The following RASEF variants were observed in gnomAD, a reference collection of about 807,000 sequenced individuals.
RASEF encodes the protein ras and EF-hand domain-containing protein.
RASEF carries 68 observed loss-of-function variants against 90.1 expected under a neutral mutation model. That is an observed-to-expected ratio of 0.75 (90% CI 0.62 to 0.92). The LOEUF (loss-of-function observed/expected upper bound fraction) is 0.92, where lower values mean the gene tolerates loss of function less well. Ranked by LOEUF, RASEF falls within the 40% of genes least tolerant of loss-of-function variation. The pLI is 0.00. For synonymous variants in RASEF, 331 were observed against 345.2 expected (o/e 0.96, Z 0.46); for missense variants, 949 against 937.2 (o/e 1.01, Z -0.16).
At chr9:83,174,032 T>C in the RASEF span, among the ~76,000 whole-genome samples, 1 of 151,914 alleles carries the variant, frequency 6.6e-6, no homozygotes, top group Non-Finnish European at 1.5e-5. Context: ...TGGTATGGGT[T>C]CTTTTTATAT....
chr9:83,020,606 C>T (rs1829424314), intron 3 of RASEF, among the ~76,000 whole-genome samples: 1 of 152,130 alleles, frequency 6.6e-6, no homozygotes, highest in Non-Finnish European at 1.5e-5. Flanking sequence ...TGTGTCATTG[C>T]TGTGGAATAG....
chr9:83,067,453 A>G (rs913907989), upstream of RASEF, among the ~76,000 whole-genome samples: 1 of 152,236 alleles, frequency 6.6e-6, no homozygotes, highest in African/African-American at 2.4e-5. Context: ...ACACTTATAT[A>G]CTGCTATCCA....
the RASEF span, among the ~76,000 whole-genome samples, chr9:83,073,764 GAAAGT>G: frequency 6.6e-6 from 1 of 152,148 alleles, no homozygotes; most frequent in African/African-American, 2.4e-5. Flanking sequence ...GTGGCTAAAG[GAAAGT>G]AGATTACAAT....
chr9:83,017,424 C>T (rs569155651), intron 3 of RASEF, among the ~76,000 whole-genome samples: 14 of 151,726 alleles, frequency 9.2e-5, no homozygotes, highest in Non-Finnish European at 1.5e-4. Flanking sequence ...GGCGTGAACC[C>T]GGGAGGTGGA....
chr9:83,110,162 C>T, the RASEF span, among the ~76,000 whole-genome samples: 3 of 152,270 alleles, frequency 2.0e-5, no homozygotes, highest in African/African-American at 4.8e-5. Context: ...CTATGCAAAG[C>T]GGCCCTTTCA....
At chr9:83,001,878 G>A (rs530578628) in intron 9 of RASEF, among the ~76,000 whole-genome samples, 99 of 152,280 alleles carry the variant, frequency 6.5e-4, no homozygotes, top group Non-Finnish European at 1.1e-3. Context: ...ACACCGTCTG[G>A]AAACACCCCT....
chr9:83,030,239 C>A (rs1829620658), intron 1 of RASEF, among the ~76,000 whole-genome samples: 1 of 151,972 alleles, frequency 6.6e-6, no homozygotes, highest in East Asian at 1.9e-4. Context: ...CGCCTGTAGT[C>A]CCAGCTACTC....
chr9:83,195,248 A>T, the RASEF span, among the ~76,000 whole-genome samples: 2 of 152,314 alleles, frequency 1.3e-5, no homozygotes, highest in Non-Finnish European at 2.9e-5. Context: ...CATGGGAGGT[A>T]GTGTGAATTA....
intron 9 of RASEF, among the ~76,000 whole-genome samples, chr9:83,002,495 ATTG>A (rs1386105100): frequency 3.3e-5 from 5 of 150,858 alleles, no homozygotes; most frequent in East Asian, 3.9e-4. Context: ...AATAAAATAT[ATTG>A]TTAATATATT....
At chr9:83,098,701 G>A in the RASEF span, among the ~76,000 whole-genome samples, 1 of 152,200 alleles carries the variant, frequency 6.6e-6, no homozygotes, top group South Asian at 2.1e-4. Flanking sequence ...GGAAGGCAAG[G>A]AGGAGCAAAG....
In RASEF at chr9:83,046,026, A is replaced by G. The variant is rs1376359593; in HGVS notation, c.431+16411T>C. 5.1e-5 allele frequency among the ~76,000 whole-genome samples: 7 copies of G among 137,062 alleles called. No homozygotes were observed. The South Asian group carries it at 7.0e-4, about 14-fold the overall frequency. The allele number at this position is 137,062 out of a possible 152,430, so 89.9% of individuals were successfully genotyped here. On this transcript the variant is annotated intron_variant, in intron 1 of 16. Transcript: ENST00000376447. ...TCCATTAAGCTTCCTTCACCTTCGG[A>G]AAAAAAAAAAAAACCCTGCAAAATC...
At chr9:83,104,866 C>T in the RASEF span, among the ~76,000 whole-genome samples, 2,620 of 152,214 alleles carry the variant, frequency 0.017, 73 homozygotes, top group African/African-American at 0.06. Flanking sequence ...GTGTGAAATA[C>T]GGGTCACATT....
intron 7 of RASEF, among the ~76,000 whole-genome samples, chr9:83,006,646 T>C (rs953092025): frequency 4.6e-5 from 7 of 152,088 alleles, no homozygotes; most frequent in Admixed American, 4.6e-4. Flanking sequence ...GGAACTGCTA[T>C]AACCTAGTCA....
the RASEF span, among the ~76,000 whole-genome samples, chr9:83,102,053 GA>G: frequency 4.5e-4 from 67 of 148,008 alleles, no homozygotes; most frequent in Middle Eastern, 3.4e-3. Flanking sequence ...CACAAAATGT[GA>G]AAAAAAAAAG....
the RASEF span, among the ~76,000 whole-genome samples, chr9:83,209,654 T>A: frequency 4.6e-5 from 7 of 152,388 alleles, no homozygotes; most frequent in East Asian, 1.3e-3. Flanking sequence ...CATATTCATA[T>A]GCAAATGACT....
the RASEF span, among the ~76,000 whole-genome samples, chr9:83,184,914 G>C: frequency 7.2e-5 from 11 of 152,240 alleles, no homozygotes; most frequent in South Asian, 4.1e-4. Flanking sequence ...TGGCACACAG[G>C]CAGTTCCGGA....
chr9:82,999,199 C>T (rs1297651571), intron 12 of RASEF, among the ~76,000 whole-genome samples: 1 of 105,926 alleles, frequency 9.4e-6, no homozygotes, highest in Non-Finnish European at 2.0e-5. Context: ...TCTTCAACTC[C>T]TTTTACTATT....
Position 83,062,518 on chromosome 9 carries a change from G to A in RASEF, c.350C>T (p.Thr117Ile), listed in dbSNP as rs1830227274. The change falls in exon 1 of 17, where the codon ACC (threonine) becomes ATC (isoleucine). Residue 117 changes from threonine to isoleucine, a missense_variant. Coordinates refer to ENST00000376447, the MANE Select transcript of RASEF (RefSeq NM_152573.4). Reference protein sequence around the residue: ...GDEDAAAALATSCGPASPGRA... With the variant: ...GDEDAAAALAISCGPASPGRA... ...GCCGGGACTCGCCGGGCCGCACGAG[G>A]TGGCCAGCGCCGCCGCCGCGTCCTC... The A allele has an allele frequency of 6.2e-7, 1 of 1,609,990 alleles. No individual in the cohort carries two copies.
the RASEF span, among the ~76,000 whole-genome samples, chr9:83,139,592 C>T: frequency 6.6e-6 from 1 of 151,974 alleles, no homozygotes; most frequent in Non-Finnish European, 1.5e-5. Context: ...CACTTGTCAT[C>T]TTCACAATGA....
Sources: allele counts gnomAD v4.1 joint callset (sites outside exome capture counted in the v4.1 genomes callset), GRCh38; gene constraint gnomAD v4.1.1; transcripts MANE v1.5; gene names NCBI Gene and HGNC (gene_info 2026-07-23, HGNC 2026-07-21).